Variants in TMTC1 observed in about 807,000 individuals in gnomAD.
The protein encoded by TMTC1 is transmembrane O-mannosyltransferase targeting cadherins 1, also known as protein O-mannosyl-transferase TMTC1.
A neutral mutation model predicts 104.8 loss-of-function variants in TMTC1; 73 were observed. That is an observed-to-expected ratio of 0.70 (90% confidence interval 0.58 to 0.85). The LOEUF (loss-of-function observed/expected upper bound fraction) is 0.85, where lower values mean the gene tolerates loss of function less well. Among genes scored for constraint, TMTC1 ranks in the 40% least tolerant of loss-of-function variants. TMTC1 has a pLI of 0.00. For synonymous variants in TMTC1, 434 were observed against 428.7 expected, an observed-to-expected ratio of 1.01 and a Z score of -0.15; for missense variants, 1,035 against 1,096.1, an observed-to-expected ratio of 0.94 and a Z score of 0.79.
Position 29,783,677 on chromosome 12 carries a change from C to A in TMTC1, c.75G>T (p.Ala25=), listed in dbSNP as rs1300398995. The A allele has an allele frequency of 1.5e-6, 2 of 1,304,108 alleles. No homozygotes were observed. Among genetic ancestry groups the A allele is most frequent in the Non-Finnish European group, 9.7e-7 (1 of 1,034,304 alleles). The allele number at this position is 1,304,108 out of a possible 1,614,324, so 80.8% of individuals were successfully genotyped here. A position where few individuals can be genotyped will look rare whatever the true frequency, so the allele number is the denominator to read the frequency against. The change falls in exon 1 of 18, where the codon GCG becomes GCT. Residue 25 remains alanine (A), a synonymous_variant. Coordinates refer to ENST00000539277, the MANE Select transcript of TMTC1 (RefSeq NM_001193451.2). The surrounding 1 kb of genome is among the most constrained non-coding windows in gnomAD (Gnocchi z 4.7). ...CCAGCAGCGCCGCGGCCCCGGCCGGCGCTAGCCCGCAGCCCCGCCGCCGGG... is the reference window on the plus strand; with the variant it reads ...CCAGCAGCGCCGCGGCCCCGGCCGGAGCTAGCCCGCAGCCCCGCCGCCGGG... The part of the protein sequence containing the change: ...TPSRRRGCGL[A]PAGAAALLAG...
rs34235668 is a variant in TMTC1 at position 29,766,954 on chromosome 12, C to CTT, written c.480+942_480+943dup. Reference sequence around the variant, plus strand: ...TTAAAAAGGGCCATAGCTATCAATACTTTTTTTTTTTTTGAGATAGAGTCT... The same window carrying CTT: ...TTAAAAAGGGCCATAGCTATCAATACTTTTTTTTTTTTTTTGAGATAGAGTCT... On this transcript the variant is annotated intron_variant, in intron 2 of 17. Transcript: ENST00000539277. Among the ~76,000 whole-genome samples the CTT allele has an allele frequency of 5.3e-4, 78 of 147,496 alleles. 1 individual carries two copies. The highest frequency in any genetic ancestry group is 3.5e-3 in the Middle Eastern group (1 of 288).
intron 1 of TMTC1, among the ~76,000 whole-genome samples, chr12:29,772,153 C>G (rs901156801): frequency 1.3e-5 from 2 of 152,120 alleles, no homozygotes; most frequent in African/African-American, 4.8e-5. Context: ...TTTTATTTAT[C>G]AGGGTTTTAA....
rs560918916 is a variant in TMTC1, at chr12:29,594,423, T to C, written c.1250+9755A>G. Among the ~76,000 whole-genome samples the C allele has an allele frequency of 7.9e-5, 12 of 152,380 alleles. No homozygotes were observed. In the South Asian group the frequency reaches 2.5e-3, roughly 32 times the overall value. On this transcript the variant is annotated intron_variant, in intron 7 of 17. Coordinates refer to ENST00000539277, the MANE Select transcript of TMTC1 (RefSeq NM_001193451.2). ...AGGCCTCATAATGTGTCCATCGTTC[T>C]TTAATTCCCTACAATTCCTTTTGTA...
intron 5 of TMTC1, among the ~76,000 whole-genome samples, chr12:29,675,589 TACACACACACACACAC>T (rs10605906): frequency 0.047 from 5,494 of 116,584 alleles, 322 homozygotes; most frequent in African/African-American, 0.16. Flanking sequence ...CACATGCAAA[TACACACACACACACAC>T]ACACACACAC....
chr12:29,557,376 G>A (rs1434670327), intron 9 of TMTC1, among the ~76,000 whole-genome samples: 1 of 152,192 alleles, frequency 6.6e-6, no homozygotes, highest in Admixed American at 6.5e-5. Context: ...AGCTGCCTGT[G>A]CAGGGTCCAC....
At chr12:29,589,470 G>A (rs1467920796) in intron 7 of TMTC1, among the ~76,000 whole-genome samples, 1 of 152,206 alleles carries the variant, frequency 6.6e-6, no homozygotes, top group African/African-American at 2.4e-5. Flanking sequence ...TCCATGTGCT[G>A]TCCTGCTGTA....
At chr12:29,673,001 G>A (rs748326338) in intron 5 of TMTC1, among the ~76,000 whole-genome samples, 8 of 152,210 alleles carry the variant, frequency 5.3e-5, no homozygotes, top group Non-Finnish European at 1.2e-4. Context: ...ATGGTTGACT[G>A]TCAGAGCCAC....
At chr12:29,564,096 CT>C (rs959969176) in intron 9 of TMTC1, among the ~76,000 whole-genome samples, 1 of 152,094 alleles carries the variant, frequency 6.6e-6, no homozygotes, top group African/African-American at 2.4e-5. Flanking sequence ...CCAAACAGAA[CT>C]TGAGAAACTG....
In TMTC1 at chr12:29,514,713, T is replaced by C. The variant is rs1387164018; in HGVS notation, c.2308-109A>G. On this transcript the variant is annotated intron_variant, in intron 15 of 17. Transcript: ENST00000539277. ...TTCCTATGTGTCAGCAGGTATGGTA[T>C]GTGACAATCAAAGTACAATTCTTGG... The C allele has an allele frequency of 9.9e-6, 12 of 1,210,810 alleles. No homozygotes were observed. In the South Asian group the frequency reaches 1.4e-4, roughly 14 times the overall value. The allele number at this position is 1,210,810 out of a possible 1,614,324, so 75.0% of individuals were successfully genotyped here. A position where few individuals can be genotyped will look rare whatever the true frequency, so the allele number is the denominator to read the frequency against.
At chr12:29,644,399 A>G (rs1379160628) in intron 5 of TMTC1, among the ~76,000 whole-genome samples, 1 of 151,756 alleles carries the variant, frequency 6.6e-6, no homozygotes, top group African/African-American at 2.4e-5. Flanking sequence ...AAAGACTACA[A>G]ATATGGTGCA....
intron 5 of TMTC1, among the ~76,000 whole-genome samples, chr12:29,649,112 G>GC (rs1939403471): frequency 6.6e-6 from 1 of 151,944 alleles, no homozygotes; most frequent in African/African-American, 2.4e-5. Flanking sequence ...CTTGGCTGCA[G>GC]CCCCCCTCCA....
At position 29,768,060 on chromosome 12, in the gene TMTC1, C is replaced by A; in HGVS notation, c.318G>T (p.Leu106Phe). Reference protein sequence around the residue: ...CVLTFKLNIFLTGMNPFYFHA... With the variant: ...CVLTFKLNIFFTGMNPFYFHA... ...GAAAGTAGAATGGGTTCATACCAGT[C>A]AAAAATATGTTTAGCCTGTAAAACA... The change falls in exon 2 of 18, where the codon TTG (leucine) becomes TTT (phenylalanine). Residue 106 changes from leucine to phenylalanine, a missense_variant. Transcript: ENST00000539277. 3.1e-6 allele frequency: 5 copies of A among 1,591,668 alleles called. No individual in the cohort carries two copies. In the South Asian group the frequency reaches 3.5e-5, roughly 11 times the overall value.
At chr12:29,780,986 C>T (rs79046418) in intron 1 of TMTC1, among the ~76,000 whole-genome samples, 2,435 of 152,276 alleles carry the variant, frequency 0.016, 30 homozygotes, top group African/African-American at 0.035. Flanking sequence ...ATCATAAAGA[C>T]GTAATCTATG....
intron 6 of TMTC1, among the ~76,000 whole-genome samples, chr12:29,612,107 G>T (rs373342562): frequency 1.3e-5 from 2 of 152,076 alleles, no homozygotes; most frequent in African/African-American, 2.4e-5. Context: ...CGTGGCTTTG[G>T]TATTCGAAGT....
chr12:29,582,462 C>T (rs927839662), intron 8 of TMTC1, among the ~76,000 whole-genome samples: 1 of 152,196 alleles, frequency 6.6e-6, no homozygotes, highest in Non-Finnish European at 1.5e-5. Context: ...ATCTTAAGTT[C>T]AGCCAAAAAG....
At chr12:29,774,572 C>T (rs1391618392) in intron 1 of TMTC1, among the ~76,000 whole-genome samples, 1 of 152,202 alleles carries the variant, frequency 6.6e-6, no homozygotes, top group Non-Finnish European at 1.5e-5. Context: ...ACAGCACATT[C>T]TCCTGTATTC....
At chr12:29,759,829 C>A (rs1051303170) in intron 2 of TMTC1, among the ~76,000 whole-genome samples, 5 of 151,702 alleles carry the variant, frequency 3.3e-5, no homozygotes, top group Non-Finnish European at 7.4e-5. Flanking sequence ...GGGATCCCAC[C>A]GAACAAACTT....
intron 17 of TMTC1, among the ~76,000 whole-genome samples, 172 bp from the exon 18 acceptor site, chr12:29,507,158 C>T (rs1943715845): frequency 1.3e-5 from 2 of 152,098 alleles, no homozygotes; most frequent in Non-Finnish European, 2.9e-5. Context: ...TTGAAGACTC[C>T]ATTTGTTTTA....
chr12:29,781,310 T>C (rs1224084066), intron 1 of TMTC1, among the ~76,000 whole-genome samples: 1 of 152,200 alleles, frequency 6.6e-6, no homozygotes, highest in East Asian at 1.9e-4. Context: ...GGCAGTAGCA[T>C]ATAATATACA....
Sources: gnomAD v4.1 joint callset for allele counts (sites outside exome capture counted in the v4.1 genomes callset) on GRCh38, gnomAD v4.1.1 for gene constraint, Gnocchi (gnomAD v3.1) non-coding constraint, MANE v1.5 for transcripts, NCBI Gene and HGNC (gene_info 2026-07-23, HGNC 2026-07-21) for gene names.